FER: variants seen among roughly 807,000 people sequenced by gnomAD.
FER encodes the protein FER tyrosine kinase.
In FER, 63 loss-of-function variants were observed where a neutral mutation model predicts 111.0. That is an observed-to-expected ratio of 0.57 (90% CI 0.46 to 0.70). The LOEUF (loss-of-function observed/expected upper bound fraction) is 0.70, where lower values mean the gene tolerates loss of function less well. Ranked by LOEUF, FER falls within the 30% of genes least tolerant of loss-of-function variation. The pLI, the probability that FER is intolerant of heterozygous loss-of-function variation, is 0.00. For missense variants in FER, 914 were observed against 954.0 expected (o/e 0.96, Z 0.55); for synonymous variants, 327 against 313.9 (o/e 1.04, Z -0.44).
rs962268186 is a variant in FER, at chr5:108,929,138, C to T, written c.1237-16992C>T. On this transcript the variant is annotated intron_variant, in intron 10 of 19. Coordinates refer to ENST00000281092, the MANE Select transcript of FER (RefSeq NM_005246.4). ...TTTTAGCCTTTTTACTCAATCACAG[C>T]GGGTAAGATGTTTCTATATTCCTAA... Among the ~76,000 whole-genome samples the T allele has an allele frequency of 7.2e-4, 109 of 152,056 alleles. 8 individuals are homozygous for T. Among genetic ancestry groups the T allele is most frequent in the Non-Finnish European group, 4.4e-5 (3 of 67,964 alleles).
At chr5:108,821,649 C>G (rs1247175142) in intron 3 of FER, among the ~76,000 whole-genome samples, 1 of 151,800 alleles carries the variant, frequency 6.6e-6, no homozygotes, top group Non-Finnish European at 1.5e-5. Context: ...TTCCTTGTCT[C>G]TCCCTCTGTC....
intron 8 of FER, among the ~76,000 whole-genome samples, chr5:108,880,526 T>G (rs1240316651): frequency 6.6e-6 from 1 of 152,090 alleles, no homozygotes; most frequent in Admixed American, 6.6e-5. Context: ...TTTATAATTA[T>G]TTAATAAGGA....
intron 10 of FER, among the ~76,000 whole-genome samples, chr5:108,902,901 A>ATATT (rs140692614): frequency 0.071 from 10,722 of 151,028 alleles, 419 homozygotes; most frequent in African/African-American, 0.078. Flanking sequence ...CTTTCTTATT[A>ATATT]TATTTATTTA....
chr5:109,167,705 A>G (rs539233442), intron 17 of FER, among the ~76,000 whole-genome samples: 1 of 152,170 alleles, frequency 6.6e-6, no homozygotes, highest in African/African-American at 2.4e-5. Flanking sequence ...AATGAATGCA[A>G]CTATATTGCT....
At chr5:109,016,030 A>C (rs182339559) in intron 13 of FER, among the ~76,000 whole-genome samples, 1 of 151,968 alleles carries the variant, frequency 6.6e-6, no homozygotes. Context: ...TTTAAGGGTT[A>C]CTATTAGTGA....
rs1016021658 is a variant in FER, at chr5:108,817,991, G to A, written c.208-14779G>A. 7.2e-5 allele frequency: 11 copies of A among 152,194 alleles called. No individual in the cohort carries two copies. The East Asian group carries it at 1.2e-3, about 16-fold the overall frequency. The allele number at this position is 152,194 out of a possible 1,614,324, so 9.4% of individuals were successfully genotyped here. A position where few individuals can be genotyped will look rare whatever the true frequency, so the allele number is the denominator to read the frequency against. On this transcript the variant is annotated intron_variant, in intron 3 of 19. Coordinates refer to ENST00000281092, the MANE Select transcript of FER (RefSeq NM_005246.4). ...GCTATTTAATGTATGCAATGATCTCGTTTTTGGGGTAGATGAGAATAAAAT... is the reference window on the plus strand; with the variant it reads ...GCTATTTAATGTATGCAATGATCTCATTTTTGGGGTAGATGAGAATAAAAT...
intron 17 of FER, among the ~76,000 whole-genome samples, chr5:109,175,322 T>C (rs1476453175): frequency 1.3e-5 from 2 of 152,204 alleles, no homozygotes; most frequent in African/African-American, 2.4e-5. Flanking sequence ...AAAAACCTCA[T>C]GTTGTAGGTA....
intron 8 of FER, among the ~76,000 whole-genome samples, chr5:108,875,657 A>G (rs1008652532): frequency 2.0e-5 from 3 of 152,164 alleles, no homozygotes; most frequent in African/African-American, 7.2e-5. Flanking sequence ...CAGATGAGTC[A>G]TCTAATGGTG....
intron 5 of FER, among the ~76,000 whole-genome samples, chr5:108,867,337 T>C (rs1183636086): frequency 6.6e-6 from 1 of 152,132 alleles, no homozygotes; most frequent in Non-Finnish European, 1.5e-5. Context: ...AGGTTTGTCT[T>C]CTCCACAAAG....
chr5:108,781,163 A>G (rs759023605), intron 2 of FER, among the ~76,000 whole-genome samples: 2 of 152,094 alleles, frequency 1.3e-5, no homozygotes, highest in African/African-American at 2.4e-5. Flanking sequence ...TCTGGTTCTT[A>G]TACTAGCTCT....
chr5:109,166,658 C>A (rs1339833151), intron 17 of FER, among the ~76,000 whole-genome samples: 1 of 152,166 alleles, frequency 6.6e-6, no homozygotes, highest in Non-Finnish European at 1.5e-5. Flanking sequence ...ACAGTTTGTG[C>A]TGGGCTCAGC....
At chr5:108,916,067 C>A (rs1215078091) in intron 10 of FER, among the ~76,000 whole-genome samples, 1 of 151,982 alleles carries the variant, frequency 6.6e-6, no homozygotes, top group Non-Finnish European at 1.5e-5. Flanking sequence ...CTTTTTTAAA[C>A]TGGAGCTGTA....
intron 16 of FER, among the ~76,000 whole-genome samples, chr5:109,095,781 AC>A (rs1747437123): frequency 6.6e-6 from 1 of 152,170 alleles, no homozygotes; most frequent in Admixed American, 6.6e-5. Context: ...ACATAAATGG[AC>A]CCCCAAAATA....
At chr5:108,897,233 T>C (rs1332755337) in intron 9 of FER, among the ~76,000 whole-genome samples, 2 of 152,152 alleles carry the variant, frequency 1.3e-5, no homozygotes, top group Non-Finnish European at 2.9e-5. Flanking sequence ...GTCCAGACTG[T>C]CACCTTGATT....
chr5:108,816,074 C>T (rs1010404007), intron 3 of FER, among the ~76,000 whole-genome samples: 11 of 152,000 alleles, frequency 7.2e-5, no homozygotes, highest in African/African-American at 2.4e-4. Flanking sequence ...CCACCGCCCC[C>T]CCAAACACAC....
chr5:108,824,752 G>T (rs928528103), intron 3 of FER, among the ~76,000 whole-genome samples: 4 of 152,094 alleles, frequency 2.6e-5, no homozygotes, highest in Admixed American at 6.5e-5. Context: ...TATTAATTCA[G>T]TTTTTTAAAA....
At chr5:109,141,379 T>C (rs1411036884) in intron 17 of FER, among the ~76,000 whole-genome samples, 2 of 152,190 alleles carry the variant, frequency 1.3e-5, no homozygotes, top group African/African-American at 2.4e-5. Context: ...TTGGGCTTGA[T>C]TGGTGGTTCA....
chr5:108,889,503 T>C (rs1747691600), intron 9 of FER, among the ~76,000 whole-genome samples: 1 of 151,886 alleles, frequency 6.6e-6, no homozygotes, highest in South Asian at 2.1e-4. Context: ...AATTAAAACA[T>C]TTGAACTCCT....
At chr5:108,832,403 C>T (rs1760138308) in intron 3 of FER, among the ~76,000 whole-genome samples, 1 of 152,088 alleles carries the variant, frequency 6.6e-6, no homozygotes, top group Non-Finnish European at 1.5e-5. Context: ...TTGCATTTGA[C>T]CATTAGGAAC....
Sources: allele counts gnomAD v4.1 joint callset (sites outside exome capture counted in the v4.1 genomes callset), GRCh38; gene constraint gnomAD v4.1.1; transcripts MANE v1.5; gene names NCBI Gene and HGNC (gene_info 2026-07-23, HGNC 2026-07-21).